The following PHC2 variants were observed in gnomAD, a reference collection of about 807,000 sequenced individuals.
The protein encoded by PHC2 is polyhomeotic homolog 2.
A neutral mutation model predicts 87.4 loss-of-function variants in PHC2; 29 were observed. The ratio of observed to expected loss-of-function variants is 0.33; its 90% CI spans 0.25 to 0.45. PHC2 has a LOEUF of 0.45. Among genes scored for constraint, PHC2 ranks in the 20% least tolerant of loss-of-function variants. The pLI, the probability that PHC2 is intolerant of heterozygous loss-of-function variation, is 1.00. For synonymous variants in PHC2, 438 were observed against 461.7 expected (o/e 0.95, Z 0.66); for missense variants, 857 against 1,136.7 (o/e 0.75, Z 3.54).
chr1:33,336,614 A>G (rs753160184), intron 9 of PHC2: 19 of 152,204 alleles, frequency 1.2e-4, no homozygotes, highest in Non-Finnish European at 2.6e-4. Context: ...TCCAATTGCA[A>G]AGGTGTCTGA....
intron 7 of PHC2, among the ~76,000 whole-genome samples, chr1:33,362,683 G>A (rs769747703): frequency 1.3e-5 from 2 of 152,204 alleles, no homozygotes; most frequent in African/African-American, 2.4e-5. Context: ...ATGGTCACAC[G>A]CGCACACAGC....
rs140000015 is a variant in PHC2, at chr1:33,341,178, A to G, written c.1559-6886T>C. Among the ~76,000 whole-genome samples, 822 of 152,308 alleles carry G rather than the reference A, an allele frequency of 5.4e-3. 10 individuals are homozygous for G. The highest frequency in any genetic ancestry group is 0.019 in the African/African-American group (776 of 41,556). ...TGGGGTACTTATATCTGTCTTACAT[A>G]TAGCTGTGGTGAGGATTAAATAATG... On this transcript the variant is annotated intron_variant, in intron 9 of 14. Transcript: ENST00000683057.
At chr1:33,335,477 T>A in intron 9 of PHC2, 1 of 265,172 alleles carries the variant, frequency 3.8e-6, no homozygotes, top group Non-Finnish European at 5.8e-6. Context: ...ACTTGTTAAG[T>A]AATCTTTGCA....
At chr1:33,325,055 G>GC in intron 14 of PHC2, 36 bp from the exon 15 acceptor site, 1 of 1,569,338 alleles carries the variant, frequency 6.4e-7, no homozygotes, top group African/African-American at 1.3e-5. Context: ...GTCAATCCAA[G>GC]CCGCCAGTGT....
At chr1:33,358,684 C>G (rs989491051) in intron 7 of PHC2, among the ~76,000 whole-genome samples, 6 of 152,160 alleles carry the variant, frequency 3.9e-5, no homozygotes, top group Admixed American at 1.3e-4. Context: ...TTGTCTAAAG[C>G]CCCTGGCAGA....
At chr1:33,391,923 T>C (rs1404671094) in intron 1 of PHC2, among the ~76,000 whole-genome samples, 2 of 152,084 alleles carry the variant, frequency 1.3e-5, no homozygotes, top group Admixed American at 6.6e-5. Flanking sequence ...ACTGAGGCTC[T>C]AGTGTAAGGG....
chr1:33,381,092 AAC>A (rs1491549322), intron 1 of PHC2, among the ~76,000 whole-genome samples: 9 of 152,166 alleles, frequency 5.9e-5, no homozygotes, highest in Admixed American at 1.3e-4. Context: ...CACTGAATGC[AAC>A]CCCCCCAACT....
chr1:33,387,707 G>A (rs11581218), intron 1 of PHC2, among the ~76,000 whole-genome samples: 26,245 of 152,110 alleles, frequency 0.17, 2,795 homozygotes, highest in South Asian at 0.27. Flanking sequence ...GTGTAGGATC[G>A]GAAACACAGG....
At chr1:33,396,717 T>A (rs938261997) in intron 1 of PHC2, among the ~76,000 whole-genome samples, 9 of 151,828 alleles carry the variant, frequency 5.9e-5, no homozygotes, top group Non-Finnish European at 4.4e-5. Context: ...GGGGAGAGAG[T>A]GGCTTGTGGA....
rs370347170 is a variant in PHC2 at position 33,364,027 on chromosome 1, C to T, written c.976+3089G>A. 7 of 388,972 alleles carry T rather than the reference C, an allele frequency of 1.8e-5. No individual in the cohort carries two copies. The highest frequency in any genetic ancestry group is 6.4e-5 in the Admixed American group (1 of 15,566). The allele number at this position is 388,972 out of a possible 1,614,324, so 24.1% of individuals were successfully genotyped here. ...CCACCTGCTCCCCCACCCCTATTCT[C>T]GGCATAAGGGACCTTTTCTATTTGC... On this transcript the variant is annotated intron_variant, in intron 7 of 14. Coordinates refer to ENST00000683057, the MANE Select transcript of PHC2 (RefSeq NM_001385109.1). The surrounding 1 kb of genome is among the most constrained non-coding windows in gnomAD (Gnocchi z 4.1).
intron 1 of PHC2, among the ~76,000 whole-genome samples, chr1:33,387,385 G>A (rs953949191): frequency 2.0e-5 from 3 of 152,188 alleles, no homozygotes; most frequent in Admixed American, 6.5e-5. Context: ...GGAGACTAAA[G>A]GAATGGGGCT....
chr1:33,335,860 AC>A (rs1646617443), intron 9 of PHC2, among the ~76,000 whole-genome samples: 1 of 112,612 alleles, frequency 8.9e-6, no homozygotes, highest in South Asian at 3.4e-4. Flanking sequence ...AGATCTCGCC[AC>A]CCCCCTCCAG....
At chr1:33,402,220 T>G (rs535419142) in intron 1 of PHC2, among the ~76,000 whole-genome samples, 1 of 152,138 alleles carries the variant, frequency 6.6e-6, no homozygotes, top group Admixed American at 6.5e-5. Context: ...AAAATGCAAA[T>G]TAAAACTACA....
chr1:33,379,308 C>G (rs1173280707), intron 1 of PHC2, among the ~76,000 whole-genome samples: 2 of 95,700 alleles, frequency 2.1e-5, no homozygotes, highest in African/African-American at 8.0e-5. Flanking sequence ...CCTGCCCCCC[C>G]ACCCCCCCAC....
intron 7 of PHC2, among the ~76,000 whole-genome samples, chr1:33,356,257 ATATATATATATATATATATG>A (rs1227057669): frequency 1.9e-4 from 16 of 83,088 alleles, no homozygotes; most frequent in East Asian, 1.4e-3. Flanking sequence ...TCTTATATAT[ATATATATATATATATATATG>A]TATATATATA....
chr1:33,366,247 A>G (rs1647442152), intron 7 of PHC2, among the ~76,000 whole-genome samples: 1 of 152,228 alleles, frequency 6.6e-6, no homozygotes. Context: ...TCTTTAATGC[A>G]AAGCCATGTG....
Position 33,420,919 on chromosome 1 carries a change from C to G in PHC2, c.-55+10057G>C, listed in dbSNP as rs1044105436. Among the ~76,000 whole-genome samples the G allele has an allele frequency of 2.6e-5, 4 of 152,176 alleles. No homozygotes were observed. In the East Asian group the frequency reaches 7.7e-4, roughly 29 times the overall value. On this transcript the variant is annotated intron_variant, in intron 1 of 14. Coordinates refer to ENST00000683057, the MANE Select transcript of PHC2 (RefSeq NM_001385109.1). The stretch of plus-strand genomic sequence containing the variant: ...AGCCACTGTGCCCAGACTATTTTCA[C>G]CTCTTTGAGCCTGTTTCTTCATCTG...
intron 1 of PHC2, among the ~76,000 whole-genome samples, chr1:33,404,541 G>A (rs1334409023): frequency 6.6e-6 from 1 of 151,808 alleles, no homozygotes; most frequent in Non-Finnish European, 1.5e-5. Flanking sequence ...CTTCCCTTTT[G>A]CACACAATAG....
chr1:33,362,030 G>A (rs1458952604), intron 7 of PHC2, among the ~76,000 whole-genome samples: 1 of 152,198 alleles, frequency 6.6e-6, no homozygotes, highest in African/African-American at 2.4e-5. Context: ...GGTTAACTCC[G>A]AAGCCCACTG....
Sources: allele counts gnomAD v4.1 joint callset (sites outside exome capture counted in the v4.1 genomes callset), GRCh38; gene constraint gnomAD v4.1.1; non-coding constraint Gnocchi (gnomAD v3.1); transcripts MANE v1.5; gene names NCBI Gene and HGNC (gene_info 2026-07-23, HGNC 2026-07-21).